NDUFAB1: variants seen among roughly 807,000 people sequenced by gnomAD.
NDUFAB1 encodes NADH:ubiquinone oxidoreductase subunit AB1.
NDUFAB1 carries 5 observed loss-of-function variants against 16.1 expected under a neutral mutation model. That is an observed-to-expected ratio of 0.31 (90% CI 0.16 to 0.65). NDUFAB1 has a LOEUF of 0.65. NDUFAB1 is among the 30% of genes least tolerant of loss of function. NDUFAB1 has a pLI of 0.77. For synonymous variants in NDUFAB1, 85 were observed against 78.4 expected, an observed-to-expected ratio of 1.08 and a Z score of -0.44; for missense variants, 187 against 205.3, an observed-to-expected ratio of 0.91 and a Z score of 0.54.
chr16:23,586,782 G>T (rs1472212089), intron 2 of NDUFAB1, among the ~76,000 whole-genome samples: 3 of 152,154 alleles, frequency 2.0e-5, no homozygotes, highest in Non-Finnish European at 4.4e-5. Context: ...CCGAGTAGCT[G>T]GGATTACAGG....
chr16:23,592,060 G>C (rs1210095765), intron 1 of NDUFAB1, among the ~76,000 whole-genome samples: 1 of 152,214 alleles, frequency 6.6e-6, no homozygotes, highest in African/African-American at 2.4e-5. Flanking sequence ...AGTATCTGTA[G>C]GCTGATGCAA....
rs192957718 is a variant in NDUFAB1, at chr16:23,595,455, G to A, written c.168+668C>T. On this transcript the variant is annotated intron_variant, in intron 1 of 4. Coordinates refer to ENST00000007516, the MANE Select transcript of NDUFAB1 (RefSeq NM_005003.3). ...TCCCGCAGTCAGCCTTGCAGAATCC[G>A]CTTATAGGAAGAGCCTGCCCTCCTT... is the stretch of plus-strand genomic sequence containing the variant. 47 of 403,512 alleles carry A rather than the reference G, an allele frequency of 1.2e-4. 1 individual carries two copies. The East Asian group carries it at 3.3e-3, about 28-fold the overall frequency. The allele number at this position is 403,512 out of a possible 1,614,324, so 25.0% of individuals were successfully genotyped here.
chr16:23,587,431 A>G, intron 1 of NDUFAB1, 112 bp from the exon 2 acceptor site: 1 of 1,330,244 alleles, frequency 7.5e-7, no homozygotes, highest in East Asian at 2.6e-5. Context: ...GAGAACCCAC[A>G]GCATCTGATT....
chr16:23,584,268 A>AAAAAAG (rs1291038772), intron 3 of NDUFAB1, among the ~76,000 whole-genome samples: 1 of 137,568 alleles, frequency 7.3e-6, no homozygotes. Context: ...AAAAAAAAAA[A>AAAAAAG]AAAAAAGAAA....
intron 3 of NDUFAB1, 68 bp downstream of exon 3, chr16:23,585,268 A>G (rs1253605432): frequency 2.6e-6 from 3 of 1,164,752 alleles, no homozygotes; most frequent in East Asian, 4.7e-5. Context: ...TCAGACGCCC[A>G]CCACTTCTTT....
chr16:23,588,543 G>A (rs1466003157), intron 1 of NDUFAB1, among the ~76,000 whole-genome samples: 1 of 152,232 alleles, frequency 6.6e-6, no homozygotes, highest in Non-Finnish European at 1.5e-5. Context: ...GCGTTCTTCA[G>A]GCATTTCCCT....
intron 4 of NDUFAB1, among the ~76,000 whole-genome samples, chr16:23,581,524 C>A (rs529942549): frequency 6.9e-6 from 1 of 144,692 alleles, no homozygotes; most frequent in South Asian, 2.2e-4. Context: ...CCAGCCTGGG[C>A]AACAGAGCAA....
At chr16:23,593,085 A>G (rs1199601141) in intron 1 of NDUFAB1, among the ~76,000 whole-genome samples, 1 of 152,202 alleles carries the variant, frequency 6.6e-6, no homozygotes, top group Non-Finnish European at 1.5e-5. Context: ...GCTTGAGCCC[A>G]AGAGTTCACA....
chr16:23,582,565 A>T (rs867520308), intron 3 of NDUFAB1, among the ~76,000 whole-genome samples, 190 bp from the exon 4 acceptor site: 4 of 151,460 alleles, frequency 2.6e-5, no homozygotes, highest in African/African-American at 4.9e-5. Flanking sequence ...CTTTGGAGGT[A>T]TGTTTGTTTG....
chr16:23,585,215 G>A, intron 3 of NDUFAB1, 121 bp downstream of exon 3: 1 of 713,128 alleles, frequency 1.4e-6, no homozygotes, highest in Non-Finnish European at 2.4e-6. Flanking sequence ...GTGAAGGGCA[G>A]TGGATGCTAC....
chr16:23,588,958 G>A (rs1284527317), intron 1 of NDUFAB1, among the ~76,000 whole-genome samples: 1 of 151,962 alleles, frequency 6.6e-6, no homozygotes, highest in Non-Finnish European at 1.5e-5. Context: ...TTGGGCCACA[G>A]AGCGAGACTC....
At position 23,581,118 on chromosome 16, in the gene NDUFAB1, C is replaced by T. The variant is rs1047384463; in HGVS notation, c.*64G>A. On this transcript the variant is annotated 3_prime_UTR_variant, in exon 5 of 5. Coordinates refer to ENST00000007516, the MANE Select transcript of NDUFAB1 (RefSeq NM_005003.3). ...CAGCAAGAATGCCAAAATGTGTCCT[C>T]ACTGCCAGACATTCGTCACTATCAT... 3 of 152,692 alleles carry T rather than the reference C, an allele frequency of 2.0e-5. No homozygotes were observed. Among genetic ancestry groups the T allele is most frequent in the Non-Finnish European group, 4.4e-5 (3 of 68,060 alleles). 9.5% of individuals were successfully genotyped at this position (152,692 alleles called of 1,614,324 possible). A position where few individuals can be genotyped will look rare whatever the true frequency, so the allele number is the denominator to read the frequency against.
rs753137959 is a variant in NDUFAB1 at position 23,582,310 on chromosome 16, C to A, written c.445G>T (p.Ala149Ser). 1.3e-6 allele frequency: 2 copies of A among 1,574,142 alleles called. No homozygotes were observed. The highest frequency in any genetic ancestry group is 4.5e-5 in the East Asian group (2 of 44,126). The change falls in exon 4 of 5, where the codon GCA becomes TCA. Residue 149 changes from alanine to serine, a missense_variant. This residue lies in a region of NDUFAB1 where 32 missense variants were observed against 28.8 expected (regional missense o/e 1.11). Transcript: ENST00000007516. ...MCPQEIVDYI[A>S]DKKDVYE is the part of the protein sequence containing the mutation. ...TATTCATATACATCCTTCTTATCTG[C>A]AATGTAATCTACAATTTCTTGTGGA...
intron 2 of NDUFAB1, among the ~76,000 whole-genome samples, chr16:23,586,767 G>A (rs1351156912): frequency 6.6e-6 from 1 of 151,944 alleles, no homozygotes; most frequent in Non-Finnish European, 1.5e-5. Context: ...TGCTGCCTCA[G>A]CCTCCCGAGT....
intron 4 of NDUFAB1, chr16:23,581,868 C>CT (rs1471386913): frequency 6.5e-6 from 1 of 153,026 alleles, no homozygotes; most frequent in Non-Finnish European, 1.5e-5. Flanking sequence ...TTGGGTGTCT[C>CT]TGACTCCAAA....
rs754793045 is a variant in NDUFAB1 at position 23,585,327 on chromosome 16, G to A, written c.379+9C>T. Reference sequence around the variant, plus strand: ...AATCGCAGTGTGTAGATAGAAGACTGAGCCTTACCAAATTCGTCTTCCATG... The same window carrying A: ...AATCGCAGTGTGTAGATAGAAGACTAAGCCTTACCAAATTCGTCTTCCATG... On this transcript the variant is annotated intron_variant, in intron 3 of 4. Transcript: ENST00000007516. 3.1e-6 allele frequency: 5 copies of A among 1,598,470 alleles called. No homozygotes were observed. Among genetic ancestry groups the A allele is most frequent in the East Asian group, 2.2e-5 (1 of 44,764 alleles).
intron 4 of NDUFAB1, among the ~76,000 whole-genome samples, chr16:23,581,574 CACTAAAAGCTAAAG>C (rs1966180040): frequency 6.6e-6 from 1 of 150,882 alleles, no homozygotes; most frequent in Non-Finnish European, 1.5e-5. Context: ...AATGCAGGGT[CACTAAAAGCTAAAG>C]ACTAAAAACA....
At position 23,582,311 on chromosome 16, in the gene NDUFAB1, A is replaced by G; in HGVS notation, c.444T>C (p.Ile148=). Residue 148 remains isoleucine (I), a synonymous_variant, in exon 4 of 5, where the codon ATT becomes ATC. Transcript: ENST00000007516. ...ATTCATATACATCCTTCTTATCTGC[A>G]ATGTAATCTACAATTTCTTGTGGAC... ...LMCPQEIVDY[I]ADKKDVYE 6.3e-7 allele frequency: 1 copy of G among 1,575,960 alleles called. No homozygotes were observed. Among genetic ancestry groups the G allele is most frequent in the Non-Finnish European group, 8.6e-7 (1 of 1,162,640 alleles).
chr16:23,590,448 G>A (rs1193311762), intron 1 of NDUFAB1, among the ~76,000 whole-genome samples: 2 of 152,178 alleles, frequency 1.3e-5, no homozygotes, highest in African/African-American at 4.8e-5. Flanking sequence ...TCACAGGACT[G>A]TTGTGAAGCA....
Sources: gnomAD v4.1 joint callset for allele counts (sites outside exome capture counted in the v4.1 genomes callset) on GRCh38, gnomAD v4.1.1 for gene constraint, gnomAD v4.1.1 regional missense constraint, MANE v1.5 for transcripts, NCBI Gene and HGNC (gene_info 2026-07-23, HGNC 2026-07-21) for gene names.